Variants in WDR25 observed in about 807,000 individuals in gnomAD.
WDR25 encodes WD repeat domain 25.
Under a neutral mutation model 47.7 loss-of-function variants are expected in WDR25, and 35 were observed. The observed-to-expected ratio is 0.73, with a 90% CI of 0.56 to 0.97. The LOEUF (loss-of-function observed/expected upper bound fraction) is 0.97, where lower values mean the gene tolerates loss of function less well. Ranked by LOEUF, WDR25 falls within the 50% of genes least tolerant of loss-of-function variation. The probability of loss-of-function intolerance (pLI) is 0.00; values close to 1 mark genes in which losing one functional copy is unlikely to be tolerated. For synonymous variants in WDR25, 248 were observed against 278.9 expected (o/e 0.89, Z 1.10); for missense variants, 634 against 704.7 (o/e 0.90, Z 1.14).
At chr14:100,518,024 GA>G (rs1354891163) in intron 4 of WDR25, among the ~76,000 whole-genome samples, 1 of 152,058 alleles carries the variant, frequency 6.6e-6, no homozygotes. Flanking sequence ...TAACTTAAGT[GA>G]AAAAATGATT....
rs1395779613 is a variant in WDR25, at chr14:100,493,464, T to A, written c.1101+9340T>A. On this transcript the variant is annotated intron_variant, in intron 4 of 6. Coordinates refer to ENST00000402312, the MANE Select transcript of WDR25 (RefSeq NM_001161476.3). ...GGACTTCACTCCTTTATGTTTTTTT[T>A]AAAATTAGACTTTATTTTTTAGAGG... is the stretch of plus-strand genomic sequence containing the variant. Among the ~76,000 whole-genome samples the A allele has an allele frequency of 1.3e-3, 193 of 144,586 alleles. 2 individuals are homozygous for A. The highest frequency in any genetic ancestry group is 6.0e-5 in the Non-Finnish European group (4 of 66,558). The allele number at this position is 144,586 out of a possible 152,430, so 94.9% of individuals were successfully genotyped here.
At chr14:100,432,676 T>C (rs1414187816) in intron 2 of WDR25, among the ~76,000 whole-genome samples, 2 of 152,270 alleles carry the variant, frequency 1.3e-5, no homozygotes. Flanking sequence ...TCCCAAATAT[T>C]TCAGTGTGTG....
intron 2 of WDR25, among the ~76,000 whole-genome samples, chr14:100,415,579 T>G (rs1259052539): frequency 3.3e-5 from 5 of 152,150 alleles, no homozygotes; most frequent in Non-Finnish European, 5.9e-5. Flanking sequence ...AAAGACAATG[T>G]CTCCCTTAGG....
chr14:100,497,519 C>T (rs1900773197), intron 4 of WDR25, among the ~76,000 whole-genome samples: 1 of 152,130 alleles, frequency 6.6e-6, no homozygotes, highest in Non-Finnish European at 1.5e-5. Flanking sequence ...AAATCAAGTT[C>T]CCACCTCTGT....
chr14:100,503,364 C>A (rs1300278243), intron 4 of WDR25, among the ~76,000 whole-genome samples: 1 of 152,118 alleles, frequency 6.6e-6, no homozygotes, highest in Non-Finnish European at 1.5e-5. Flanking sequence ...AGCGCGCCAT[C>A]TTTAAGCCTC....
rs1897466157 is a variant in WDR25 at position 100,404,215 on chromosome 14, A to C, written c.822+22469A>C. 6.6e-6 allele frequency among the ~76,000 whole-genome samples: 1 copy of C among 152,186 alleles called. No homozygotes were observed. The highest frequency in any genetic ancestry group is 1.5e-5 in the Non-Finnish European group (1 of 68,034). On this transcript the variant is annotated intron_variant, in intron 2 of 6. Coordinates refer to ENST00000402312, the MANE Select transcript of WDR25 (RefSeq NM_001161476.3). The surrounding 1 kb of genome is among the most constrained non-coding windows in gnomAD (Gnocchi z 4.6). ...GGCATGCCCCAACCTGCGTCCAAGG[A>C]CCTGGGGCTGAGAGGGCCTCAGGGC...
chr14:100,413,235 G>GCTT (rs146393313), intron 2 of WDR25, among the ~76,000 whole-genome samples: 3,713 of 152,218 alleles, frequency 0.024, 157 homozygotes, highest in African/African-American at 0.086. Flanking sequence ...TGACAAACCT[G>GCTT]TATACTTATG....
intron 4 of WDR25, among the ~76,000 whole-genome samples, chr14:100,497,899 C>T (rs1900787647): frequency 2.0e-5 from 3 of 152,242 alleles, no homozygotes; most frequent in South Asian, 2.1e-4. Context: ...CGGTGGGATG[C>T]GAGCCCTGTG....
At chr14:100,441,149 C>T (rs1179084059) in intron 2 of WDR25, among the ~76,000 whole-genome samples, 1 of 152,100 alleles carries the variant, frequency 6.6e-6, no homozygotes. Context: ...TTCCAGAACA[C>T]TCTGGTATGG....
rs968765872 is a variant in WDR25, at chr14:100,407,836, G to A, written c.822+26090G>A. ...CCGTCCCCGTTCAGGAGCCTCTCAC[G>A]TGTATTGCCTCTCACGTGTATTGTC... is the stretch of plus-strand genomic sequence containing the variant. On this transcript the variant is annotated intron_variant, in intron 2 of 6. Transcript: ENST00000402312. The surrounding 1 kb of genome is among the most constrained non-coding windows in gnomAD (Gnocchi z 4.1). Among the ~76,000 whole-genome samples, 2 of 152,136 alleles carry A rather than the reference G, an allele frequency of 1.3e-5. No individual in the cohort carries two copies. Among genetic ancestry groups the A allele is most frequent in the African/African-American group, 4.8e-5 (2 of 41,430 alleles).
Position 100,523,070 on chromosome 14 carries a change from G to T in WDR25, c.1102-2800G>T, listed in dbSNP as rs550162912. ...CCAGTGGCAAAGGCTTTTGTGTGTT[G>T]CCTCAGCCCTGCATGCCAGGATGTT... On this transcript the variant is annotated intron_variant, in intron 4 of 6. Transcript: ENST00000402312. The surrounding 1 kb of genome is among the most constrained non-coding windows in gnomAD (Gnocchi z 4.7). Among the ~76,000 whole-genome samples the T allele has an allele frequency of 2.0e-5, 3 of 152,352 alleles. No homozygotes were observed. The East Asian group carries it at 5.8e-4, about 29-fold the overall frequency.
intron 2 of WDR25, among the ~76,000 whole-genome samples, chr14:100,401,811 G>A (rs1286199684): frequency 1.3e-5 from 2 of 152,206 alleles, no homozygotes; most frequent in Non-Finnish European, 2.9e-5. Context: ...CTCTGCACGT[G>A]TCTTAGTTCT....
At chr14:100,448,617 G>A (rs537825746) in intron 2 of WDR25, among the ~76,000 whole-genome samples, 124 of 152,118 alleles carry the variant, frequency 8.2e-4, no homozygotes, top group Non-Finnish European at 1.6e-3. Context: ...CCAGGACTCC[G>A]TCACCTGCGT....
intron 2 of WDR25, among the ~76,000 whole-genome samples, chr14:100,395,236 T>C (rs1420573437): frequency 2.0e-5 from 3 of 152,168 alleles, no homozygotes; most frequent in Admixed American, 2.0e-4. Context: ...ATTTCGGTGT[T>C]CAGTCCCAGC....
At position 100,502,977 on chromosome 14, in the gene WDR25, C is replaced by T. The variant is rs746467913; in HGVS notation, c.1101+18853C>T. Among the ~76,000 whole-genome samples the T allele has an allele frequency of 2.6e-5, 4 of 151,226 alleles. No homozygotes were observed. The highest frequency in any genetic ancestry group is 6.6e-5 in the Admixed American group (1 of 15,198). On this transcript the variant is annotated intron_variant, in intron 4 of 6. Transcript: ENST00000402312. This position sits in a 1 kb window ranked among gnomAD's most constrained non-coding sequence, Gnocchi z 4.5. ...TGAGTGTGTGTGTCTGTATGTGTGT[C>T]GGTGCATGTGTGTGTGTCCATCCAT...
At chr14:100,510,737 A>AAATAATAATAATAATAAT (rs556858291) in intron 4 of WDR25, among the ~76,000 whole-genome samples, 4,732 of 146,906 alleles carry the variant, frequency 0.032, 285 homozygotes, top group African/African-American at 0.12. Context: ...CACCATCTCA[A>AAATAATAATAATAATAAT]AATAATAATA....
rs2030416600 is a variant in WDR25 at position 100,530,067 on chromosome 14, T to C, written c.*26T>C. On this transcript the variant is annotated 3_prime_UTR_variant, in exon 7 of 7. Transcript: ENST00000402312. ...GCTTTTTGTCACTGAACCTTCCCGA[T>C]GCCAGCTGGGCTCTTGGACTCCCCT... 1 of 1,592,056 alleles carries C rather than the reference T, an allele frequency of 6.3e-7. No homozygotes were observed. The highest frequency in any genetic ancestry group is 1.7e-5 in the Admixed American group (1 of 59,212).
At chr14:100,398,655 T>G (rs140987072) in intron 2 of WDR25, among the ~76,000 whole-genome samples, 1 of 150,552 alleles carries the variant, frequency 6.6e-6, no homozygotes, top group African/African-American at 2.5e-5. Context: ...ACTATGGACT[T>G]TATTTGCATT....
At chr14:100,433,181 A>G (rs550164045) in intron 2 of WDR25, among the ~76,000 whole-genome samples, 3 of 152,266 alleles carry the variant, frequency 2.0e-5, no homozygotes, top group South Asian at 4.1e-4. Context: ...ATTCATGGTC[A>G]TGTGTTCCCT....
Sources: gnomAD v4.1 joint callset for allele counts (sites outside exome capture counted in the v4.1 genomes callset) on GRCh38, gnomAD v4.1.1 for gene constraint, Gnocchi (gnomAD v3.1) non-coding constraint, MANE v1.5 for transcripts, NCBI Gene and HGNC (gene_info 2026-07-23, HGNC 2026-07-21) for gene names.